Variants in MYCN observed in about 807,000 individuals in gnomAD.
MYCN encodes the protein MYCN proto-oncogene, bHLH transcription factor, also known as N-myc proto-oncogene protein.
In MYCN, 3 loss-of-function variants were observed where a neutral mutation model predicts 28.1. The observed-to-expected ratio is 0.11, with a 90% CI of 0.05 to 0.28. The LOEUF is 0.28. MYCN is among the 10% of genes least tolerant of loss of function. The pLI, the probability that MYCN is intolerant of heterozygous loss-of-function variation, is 1.00. For synonymous variants in MYCN, 326 were observed against 288.3 expected (o/e 1.13, Z -1.32); for missense variants, 572 against 651.4 (o/e 0.88, Z 1.33).
rs750472300 is a variant in MYCN, at chr2:15,942,472, C to A, written c.408C>A (p.His136Gln). The A allele has an allele frequency of 6.4e-6, 10 of 1,567,884 alleles. No individual in the cohort carries two copies. The highest frequency in any genetic ancestry group is 3.5e-5 in the Admixed American group (2 of 57,788). Reference protein sequence around the residue: ...LERAVSEKLQHGRGPPTAGST... With the variant: ...LERAVSEKLQQGRGPPTAGST... Reference sequence around the variant, plus strand: ...GCGCCGTGAGCGAGAAGCTGCAGCACGGCCGCGGGCCGCCAACCGCCGGTT... The same window carrying A: ...GCGCCGTGAGCGAGAAGCTGCAGCAAGGCCGCGGGCCGCCAACCGCCGGTT... Residue 136 changes from histidine (H) to glutamine (Q), a missense_variant, in exon 2 of 3, where the codon CAC becomes CAA. Physicochemically the swap from His to Gln is conservative, Grantham distance 24 (BLOSUM62 0). This residue lies in a region of MYCN where 499 missense variants were observed against 524.3 expected (regional missense o/e 0.95). Transcript: ENST00000281043. The surrounding 1 kb of genome is among the most constrained non-coding windows in gnomAD (Gnocchi z 7.0).
chr2:15,942,531 G>T lies in MYCN; in HGVS notation c.467G>T (p.Ser156Ile). 7.5e-7 allele frequency: 1 copy of T among 1,336,558 alleles called. No individual in the cohort carries two copies. Among genetic ancestry groups the T allele is most frequent in the Non-Finnish European group, 9.5e-7 (1 of 1,049,436 alleles). 82.8% of individuals were successfully genotyped at this position (1,336,558 alleles called of 1,614,324 possible). A position where few individuals can be genotyped will look rare whatever the true frequency, so the allele number is the denominator to read the frequency against. The change falls in exon 2 of 3, where the codon AGC (serine) becomes ATC (isoleucine). Residue 156 changes from serine (S) to isoleucine (I), a missense_variant. Ser to Ile is a moderately radical substitution (Grantham distance 142). Transcript: ENST00000281043. The surrounding 1 kb of genome is among the most constrained non-coding windows in gnomAD (Gnocchi z 7.0). ...TAQSPGAGAASPAGRGHGGAA... is the reference protein window; with the variant it reads ...TAQSPGAGAAIPAGRGHGGAA... ...CAGTCCCCGGGAGCCGGCGCCGCCAGCCCTGCGGGTCGCGGGCACGGCGGG... is the reference window on the plus strand; with the variant it reads ...CAGTCCCCGGGAGCCGGCGCCGCCATCCCTGCGGGTCGCGGGCACGGCGGG...
rs1176350128 is a variant in MYCN at position 15,941,062 on chromosome 2, C to G, written c.-118+319C>G. ...GAGCTGTCGGAGAGCCGGTGCGTCC[C>G]CACCCCAGGCTGGGGTTCTTCTCCA... On this transcript the variant is annotated intron_variant, in intron 1 of 2. Transcript: ENST00000281043. This position sits in a 1 kb window ranked among gnomAD's most constrained non-coding sequence, Gnocchi z 4.8. 3 of 245,232 alleles carry G rather than the reference C, an allele frequency of 1.2e-5. No homozygotes were observed. The highest frequency in any genetic ancestry group is 2.2e-5 in the African/African-American group (1 of 44,924). The allele number at this position is 245,232 out of a possible 1,614,324, so 15.2% of individuals were successfully genotyped here.
At chr2:15,944,559 TAA>T (rs1662809449) in intron 2 of MYCN, among the ~76,000 whole-genome samples, 1 of 152,224 alleles carries the variant, frequency 6.6e-6, no homozygotes, top group Non-Finnish European at 1.5e-5. Flanking sequence ...TTTAAGGACT[TAA>T]AATCAAACAC....
intron 2 of MYCN, among the ~76,000 whole-genome samples, chr2:15,944,879 A>T (rs1397008187): frequency 6.6e-6 from 1 of 152,220 alleles, no homozygotes; most frequent in Non-Finnish European, 1.5e-5. Flanking sequence ...CAAGTTCTTT[A>T]TATTTATTTC....
Position 15,945,779 on chromosome 2 carries a change from C to T in MYCN, c.1077C>T (p.Leu359=), listed in dbSNP as rs1369798253. The T allele has an allele frequency of 6.2e-7, 1 of 1,614,132 alleles. No individual in the cohort carries two copies. The highest frequency in any genetic ancestry group is 2.2e-5 in the East Asian group (1 of 44,882). Residue 359 remains leucine, a synonymous_variant, in exon 3 of 3, where the codon CTC becomes CTT. Transcript: ENST00000281043. This position sits in a 1 kb window ranked among gnomAD's most constrained non-coding sequence, Gnocchi z 4.8. The part of the protein sequence containing the change: ...KIKSEASPRP[L]KSVIPPKAKS... ...AGAGCGAGGCGTCCCCACGTCCGCT[C>T]AAGAGTGTCATCCCCCCAAAGGCTA...
At chr2:15,944,311 A>G (rs1205726715) in intron 2 of MYCN, among the ~76,000 whole-genome samples, 1 of 152,108 alleles carries the variant, frequency 6.6e-6, no homozygotes, top group Admixed American at 6.5e-5. Flanking sequence ...CGTGGTAGTC[A>G]ATGAGGAGAG....
chr2:15,941,955 G>T lies in MYCN; in HGVS notation c.-110G>T, dbSNP rs975232192. ...TGTGTCTGTCGGTTGCAGTGTTGGA[G>T]GTCGGCGCCGGCCCCCGCCTTCCGC... On this transcript the variant is annotated 5_prime_UTR_variant, in exon 2 of 3. It adds an upstream start codon to the 5' untranslated region. Coordinates refer to ENST00000281043, the MANE Select transcript of MYCN (RefSeq NM_005378.6). This position sits in a 1 kb window ranked among gnomAD's most constrained non-coding sequence, Gnocchi z 4.8. The T allele has an allele frequency of 3.5e-5, 49 of 1,392,368 alleles. No individual in the cohort carries two copies. Among genetic ancestry groups the T allele is most frequent in the Non-Finnish European group, 4.5e-5 (45 of 1,010,760 alleles). 86.3% of individuals were successfully genotyped at this position (1,392,368 alleles called of 1,614,324 possible).
Position 15,942,937 on chromosome 2 carries a change from T to A in MYCN, c.790+83T>A. 1 of 1,479,616 alleles carries A rather than the reference T, an allele frequency of 6.8e-7. No individual in the cohort carries two copies. The highest frequency in any genetic ancestry group is 2.6e-5 in the East Asian group (1 of 37,894). 91.7% of individuals were successfully genotyped at this position (1,479,616 alleles called of 1,614,324 possible). A position where few individuals can be genotyped will look rare whatever the true frequency, so the allele number is the denominator to read the frequency against. ...CCCCTTTGTTAGTGCTCGTATGTCT[T>A]GGCCTGGGGAGCATTTTGGAGGCAG... On this transcript the variant is annotated intron_variant, in intron 2 of 2. Coordinates refer to ENST00000281043, the MANE Select transcript of MYCN (RefSeq NM_005378.6). This position sits in a 1 kb window ranked among gnomAD's most constrained non-coding sequence, Gnocchi z 7.0.
chr2:15,944,478 G>T (rs1662807111), intron 2 of MYCN, among the ~76,000 whole-genome samples: 1 of 152,110 alleles, frequency 6.6e-6, no homozygotes, highest in South Asian at 2.1e-4. Context: ...ACTGTTTATT[G>T]TATAAAACTC....
rs753519523 is a variant in MYCN at position 15,945,707 on chromosome 2, C to T, written c.1005C>T (p.Pro335=). 1.2e-6 allele frequency: 2 copies of T among 1,614,104 alleles called. No homozygotes were observed. The highest frequency in any genetic ancestry group is 1.1e-5 in the South Asian group (1 of 91,082). ...ACCAGCAGCACAACTATGCCGCCCC[C>T]TCTCCCTACGTGGAGAGTGAGGATG... ...PIHQQHNYAA[P]SPYVESEDAP... The change falls in exon 3 of 3, where the codon CCC becomes CCT. Residue 335 remains proline (P), a synonymous_variant. Coordinates refer to ENST00000281043, the MANE Select transcript of MYCN (RefSeq NM_005378.6). The surrounding 1 kb of genome is among the most constrained non-coding windows in gnomAD (Gnocchi z 4.8).
At position 15,940,633 on chromosome 2, in the gene MYCN, C is replaced by T. The variant is rs1662608086; in HGVS notation, c.-228C>T. The T allele has an allele frequency of 1.0e-5, 4 of 400,314 alleles. No homozygotes were observed. In the Admixed American group the frequency reaches 1.3e-4, roughly 13 times the overall value. 24.8% of individuals were successfully genotyped at this position (400,314 alleles called of 1,614,324 possible). A position where few individuals can be genotyped will look rare whatever the true frequency, so the allele number is the denominator to read the frequency against. On this transcript the variant is annotated 5_prime_UTR_variant, in exon 1 of 3. Transcript: ENST00000281043. Reference sequence around the variant, plus strand: ...TGTGTTGGAGCCGAGCAAGCGCTAGCCAGGCGCAAGCGCGCACAGACTGTA... The same window carrying T: ...TGTGTTGGAGCCGAGCAAGCGCTAGTCAGGCGCAAGCGCGCACAGACTGTA...
rs762639151 is a variant in MYCN, at chr2:15,942,245, C to T, written c.181C>T (p.Leu61=). Residue 61 remains leucine, a synonymous_variant, in exon 2 of 3, where the codon CTG becomes TTG. Transcript: ENST00000281043. This position sits in a 1 kb window ranked among gnomAD's most constrained non-coding sequence, Gnocchi z 7.0. ...GTTTGAGCTGCTGCCCACGCCCCCGCTGTCGCCCAGCCGTGGCTTCGCGGA... is the reference window on the plus strand; with the variant it reads ...GTTTGAGCTGCTGCCCACGCCCCCGTTGTCGCCCAGCCGTGGCTTCGCGGA... ...KKFELLPTPP[L]SPSRGFAEHS... is the part of the protein sequence containing the mutation. 1.2e-6 allele frequency: 2 copies of T among 1,612,850 alleles called. No individual in the cohort carries two copies. The highest frequency in any genetic ancestry group is 1.1e-5 in the South Asian group (1 of 91,056).
chr2:15,946,154 A>C lies in MYCN; in HGVS notation c.*57A>C. On this transcript the variant is annotated 3_prime_UTR_variant, in exon 3 of 3. Transcript: ENST00000281043. ...TTTGCACATTTTGATTTTTTTTTTA[A>C]ACAAACATTGTGTTGACATTAAGAA... 1 of 1,612,226 alleles carries C rather than the reference A, an allele frequency of 6.2e-7. No homozygotes were observed. Among genetic ancestry groups the C allele is most frequent in the Non-Finnish European group, 8.5e-7 (1 of 1,179,102 alleles).
rs886796492 is a variant in MYCN, at chr2:15,942,451, C to G, written c.387C>G (p.Ala129=). Residue 129 remains alanine, a synonymous_variant, in exon 2 of 3, where the codon GCC becomes GCG. Coordinates refer to ENST00000281043, the MANE Select transcript of MYCN (RefSeq NM_005378.6). The surrounding 1 kb of genome is among the most constrained non-coding windows in gnomAD (Gnocchi z 7.0). ...GFSAREKLER[A]VSEKLQHGRG... is the part of the protein sequence containing the mutation. ...CCGCCCGCGAGAAGCTGGAGCGCGC[C>G]GTGAGCGAGAAGCTGCAGCACGGCC... is the stretch of plus-strand genomic sequence containing the variant. 1.9e-6 allele frequency: 3 copies of G among 1,594,686 alleles called. No individual in the cohort carries two copies. Among genetic ancestry groups the G allele is most frequent in the South Asian group, 1.1e-5 (1 of 90,382 alleles).
rs2103323979 is a variant in MYCN, at chr2:15,942,234, C to A, written c.170C>A (p.Pro57His). The stretch of plus-strand genomic sequence containing the variant: ...ATCTGGAAGAAGTTTGAGCTGCTGC[C>A]CACGCCCCCGCTGTCGCCCAGCCGT... ...EDIWKKFELL[P>H]TPPLSPSRGF... The change falls in exon 2 of 3, where the codon CCC (proline) becomes CAC (histidine). Residue 57 changes from proline to histidine, a missense_variant. By Grantham distance (77) the Pro-to-His change is moderately conservative. Around this residue, in one of 3 missense-constraint regions of MYCN, gnomAD observed 499 missense variants for 524.3 expected, o/e 0.95. Coordinates refer to ENST00000281043, the MANE Select transcript of MYCN (RefSeq NM_005378.6). The surrounding 1 kb of genome is among the most constrained non-coding windows in gnomAD (Gnocchi z 7.0). 1 of 1,613,096 alleles carries A rather than the reference C, an allele frequency of 6.2e-7. No homozygotes were observed. The highest frequency in any genetic ancestry group is 8.5e-7 in the Non-Finnish European group (1 of 1,179,938).
chr2:15,944,279 A>G (rs2103328821), intron 2 of MYCN, among the ~76,000 whole-genome samples: 1 of 152,240 alleles, frequency 6.6e-6, no homozygotes, highest in Middle Eastern at 3.4e-3. Context: ...CTTGTATTTT[A>G]AACAATAATT....
At position 15,942,139 on chromosome 2, in the gene MYCN, G is replaced by T. The variant is rs764975322; in HGVS notation, c.75G>T (p.Gln25His). 4 of 1,613,970 alleles carry T rather than the reference G, an allele frequency of 2.5e-6. No individual in the cohort carries two copies. Among genetic ancestry groups the T allele is most frequent in the Non-Finnish European group, 3.4e-6 (4 of 1,180,020 alleles). ...KNPDLEFDSL[Q>H]PCFYPDEDDF... is the part of the protein sequence containing the mutation. ...CAGACCTCGAGTTTGACTCGCTACA[G>T]CCCTGCTTCTACCCGGACGAAGATG... The change falls in exon 2 of 3, where the codon CAG (glutamine) becomes CAT (histidine). Residue 25 changes from glutamine (Q) to histidine (H), a missense_variant. Gln to His is a conservative substitution (Grantham distance 24). Coordinates refer to ENST00000281043, the MANE Select transcript of MYCN (RefSeq NM_005378.6). The surrounding 1 kb of genome is among the most constrained non-coding windows in gnomAD (Gnocchi z 7.0).
At chr2:15,944,073 T>A (rs999154317) in intron 2 of MYCN, among the ~76,000 whole-genome samples, 1 of 152,162 alleles carries the variant, frequency 6.6e-6, no homozygotes, top group Non-Finnish European at 1.5e-5. Flanking sequence ...GTCCCTTTAA[T>A]GTCTGTGCCT....
Position 15,942,136 on chromosome 2 carries a change from A to G in MYCN, c.72A>G (p.Leu24=), listed in dbSNP as rs1301969878. 7 of 1,613,786 alleles carry G rather than the reference A, an allele frequency of 4.3e-6. No individual in the cohort carries two copies. In the Admixed American group the frequency reaches 1.0e-4, roughly 23 times the overall value. The part of the protein sequence containing the change: ...CKNPDLEFDS[L]QPCFYPDEDD... ...ACCCAGACCTCGAGTTTGACTCGCT[A>G]CAGCCCTGCTTCTACCCGGACGAAG... The change falls in exon 2 of 3, where the codon CTA becomes CTG. Residue 24 remains leucine (L), a synonymous_variant. Coordinates refer to ENST00000281043, the MANE Select transcript of MYCN (RefSeq NM_005378.6). This position sits in a 1 kb window ranked among gnomAD's most constrained non-coding sequence, Gnocchi z 7.0.
Sources: allele counts gnomAD v4.1 joint callset (sites outside exome capture counted in the v4.1 genomes callset), GRCh38; gene constraint gnomAD v4.1.1; regional missense constraint gnomAD v4.1.1; non-coding constraint Gnocchi (gnomAD v3.1); transcripts MANE v1.5; gene names NCBI Gene and HGNC (gene_info 2026-07-23, HGNC 2026-07-21).